The following PCM1 variants were observed in gnomAD, a reference collection of about 807,000 sequenced individuals.
PCM1 encodes the protein pericentriolar material 1.
Under a neutral mutation model 241.9 loss-of-function variants are expected in PCM1, and 157 were observed. The ratio of observed to expected loss-of-function variants is 0.65; its 90% confidence interval spans 0.57 to 0.74. PCM1 has a LOEUF of 0.74. Among genes scored for constraint, PCM1 ranks in the 30% least tolerant of loss-of-function variants. The pLI is 0.00. For synonymous variants in PCM1, 1,085 were observed against 784.9 expected (o/e 1.38, Z -6.39); for missense variants, 3,478 against 2,360.1 (o/e 1.47, Z -9.81).
chr8:17,976,541 T>C (rs1027490274), intron 23 of PCM1, among the ~76,000 whole-genome samples: 3 of 152,214 alleles, frequency 2.0e-5, no homozygotes, highest in African/African-American at 7.2e-5. Flanking sequence ...GCCTCTCTTG[T>C]CCATGTTCCA....
chr8:17,966,960 A>G lies in PCM1; in HGVS notation c.3222-20A>G. The G allele has an allele frequency of 6.3e-7, 1 of 1,575,714 alleles. No individual in the cohort carries two copies. Among genetic ancestry groups the G allele is most frequent in the Non-Finnish European group, 8.6e-7 (1 of 1,161,128 alleles). Reference sequence around the variant, plus strand: ...TGGCAATATAACTGATTCTTAGATTACTGACTTAAATCTTTGTAGGTTGAA... The same window carrying G: ...TGGCAATATAACTGATTCTTAGATTGCTGACTTAAATCTTTGTAGGTTGAA... On this transcript the variant is annotated intron_variant, in intron 20 of 38. Coordinates refer to ENST00000325083, the MANE Select transcript of PCM1 (RefSeq NM_006197.4).
At position 17,966,058 on chromosome 8, in the gene PCM1, G is replaced by C; in HGVS notation, c.2915G>C (p.Arg972Thr). Reference sequence around the variant, plus strand: ...AATTATCGTCCTTTAGCCAAGACAAGGCAACAGAATATCAGCATGCAACGG... The same window carrying C: ...AATTATCGTCCTTTAGCCAAGACAACGCAACAGAATATCAGCATGCAACGG... ...DENYRPLAKT[R>T]QQNISMQRQE... Residue 972 changes from arginine to threonine, a missense_variant, in exon 19 of 39, where the codon AGG becomes ACG. Arg to Thr is a moderately conservative substitution (Grantham distance 71). Coordinates refer to ENST00000325083, the MANE Select transcript of PCM1 (RefSeq NM_006197.4). 1 of 1,613,848 alleles carries C rather than the reference G, an allele frequency of 6.2e-7. No homozygotes were observed. Among genetic ancestry groups the C allele is most frequent in the Non-Finnish European group, 8.5e-7 (1 of 1,179,842 alleles).
At chr8:18,017,476 A>G (rs1444663854) in intron 36 of PCM1, among the ~76,000 whole-genome samples, 1 of 152,220 alleles carries the variant, frequency 6.6e-6, no homozygotes, top group Non-Finnish European at 1.5e-5. Context: ...TAAAGAGGCC[A>G]TTGAAGAAAA....
In PCM1 at chr8:17,939,789, G is replaced by A. The variant is rs1187302372; in HGVS notation, c.711G>A (p.Glu237=). 1 of 1,546,686 alleles carries A rather than the reference G, an allele frequency of 6.5e-7. No individual in the cohort carries two copies. Among genetic ancestry groups the A allele is most frequent in the Non-Finnish European group, 8.8e-7 (1 of 1,138,296 alleles). ...AAAATGAGAGATCTGCTAATGTTGAGCGCCTTACTCATCTAATAGATCACC... is the reference window on the plus strand; with the variant it reads ...AAAATGAGAGATCTGCTAATGTTGAACGCCTTACTCATCTAATAGATCACC... ...VEKNERSANV[E]RLTHLIDHLK... Residue 237 remains glutamate, a synonymous_variant, in exon 6 of 39, where the codon GAG becomes GAA. Transcript: ENST00000325083.
Position 18,006,289 on chromosome 8 carries a change from G to T in PCM1, c.4854G>T (p.Ser1618=), listed in dbSNP as rs780234758. 5 of 1,610,478 alleles carry T rather than the reference G, an allele frequency of 3.1e-6. No homozygotes were observed. The highest frequency in any genetic ancestry group is 4.2e-6 in the Non-Finnish European group (5 of 1,177,514). The change falls in exon 30 of 39, where the codon TCG becomes TCT. Residue 1618 remains serine (S), a synonymous_variant. Coordinates refer to ENST00000325083, the MANE Select transcript of PCM1 (RefSeq NM_006197.4). Reference sequence around the variant, plus strand: ...AGCACATGGATGAAGTATGCTCCTCGCAGCTTCTAACTTCAGTAAGGCGCA... The same window carrying T: ...AGCACATGGATGAAGTATGCTCCTCTCAGCTTCTAACTTCAGTAAGGCGCA... ...LKEHMDEVCS[S]QLLTSVRRMV...
intron 26 of PCM1, among the ~76,000 whole-genome samples, chr8:17,988,698 G>T (rs1007659079): frequency 6.6e-6 from 1 of 151,878 alleles, no homozygotes; most frequent in Admixed American, 6.6e-5. Flanking sequence ...CTGGGCAAGA[G>T]ATTTGAACAG....
At chr8:17,934,800 C>G (rs779132244) in intron 2 of PCM1, 2 of 152,204 alleles carry the variant, frequency 1.3e-5, no homozygotes, top group Non-Finnish European at 2.9e-5. Flanking sequence ...ATGATCATCT[C>G]TGCCTTTGAA....
intron 20 of PCM1, 109 bp downstream of exon 20, chr8:17,966,582 A>C: frequency 4.6e-6 from 4 of 877,038 alleles, no homozygotes; most frequent in Non-Finnish European, 1.7e-6. Context: ...ATATTTGGAC[A>C]TTCTCTTTCC....
At chr8:17,938,454 T>C (rs1300338867) in intron 4 of PCM1, among the ~76,000 whole-genome samples, 3 of 152,184 alleles carry the variant, frequency 2.0e-5, no homozygotes, top group African/African-American at 7.2e-5. Flanking sequence ...TTGTCTGAAA[T>C]ATTTTGGATA....
chr8:17,991,953 G>A (rs73573615), intron 28 of PCM1, among the ~76,000 whole-genome samples: 2,357 of 152,188 alleles, frequency 0.015, 62 homozygotes, highest in African/African-American at 0.054. Context: ...AACATGCAAC[G>A]TTTGGTTTTC....
rs536429129 is a variant in PCM1 at position 18,013,771 on chromosome 8, A to G, written c.5512-193A>G. ...TACTGTGTGTGTGTGTTTTTAAGGC[A>G]ACAAGGAAACCCTTTAACTTAGCCA... On this transcript the variant is annotated intron_variant, in intron 34 of 38. Transcript: ENST00000325083. 5.7e-6 allele frequency: 3 copies of G among 526,470 alleles called. No individual in the cohort carries two copies. In the East Asian group the frequency reaches 1.0e-4, roughly 18 times the overall value. 32.6% of individuals were successfully genotyped at this position (526,470 alleles called of 1,614,324 possible).
intron 13 of PCM1, 60 bp from the exon 14 acceptor site, chr8:17,959,954 T>A (rs2070882548): frequency 6.7e-7 from 1 of 1,491,150 alleles, no homozygotes; most frequent in Non-Finnish European, 9.2e-7. Flanking sequence ...TTTACTAAGG[T>A]ATGAATTGGA....
At chr8:17,945,129 T>G (rs564447712) in intron 6 of PCM1, among the ~76,000 whole-genome samples, 6 of 152,176 alleles carry the variant, frequency 3.9e-5, no homozygotes, top group Non-Finnish European at 7.4e-5. Context: ...GAAATCATTA[T>G]AAAATTATTT....
intron 2 of PCM1, among the ~76,000 whole-genome samples, chr8:17,929,769 A>G (rs1013478952): frequency 6.6e-6 from 1 of 152,154 alleles, no homozygotes; most frequent in Non-Finnish European, 1.5e-5. Context: ...ACCAAACTCT[A>G]TGTGTATGTT....
At chr8:17,957,206 A>G in intron 11 of PCM1, 58 bp from the exon 12 acceptor site, 2 of 1,412,928 alleles carry the variant, frequency 1.4e-6, no homozygotes, top group Non-Finnish European at 9.5e-7. Flanking sequence ...CTAAACTTGG[A>G]TTTCTTTCTC....
intron 28 of PCM1, 72 bp downstream of exon 28, chr8:17,991,772 G>A: frequency 8.8e-7 from 1 of 1,135,804 alleles, no homozygotes; most frequent in Non-Finnish European, 1.3e-6. Flanking sequence ...GTTCTTTAGT[G>A]GTGATTTCTG....
intron 36 of PCM1, 75 bp downstream of exon 36, chr8:18,014,915 TCTC>T (rs1231716683): frequency 1.6e-6 from 2 of 1,287,730 alleles, no homozygotes; most frequent in Non-Finnish European, 2.1e-6. Context: ...AGATTAGCAT[TCTC>T]CACATGTAAA....
chr8:18,001,995 CTTTTTTTT>C (rs1166401113), intron 29 of PCM1, among the ~76,000 whole-genome samples: 1 of 23,398 alleles, frequency 4.3e-5, no homozygotes, highest in African/African-American at 2.9e-4. Context: ...TCTAACCTTT[CTTTTTTTT>C]TTTTTTTTTT....
intron 18 of PCM1, 63 bp downstream of exon 18, chr8:17,964,831 C>G (rs2074178733): frequency 8.1e-7 from 1 of 1,231,790 alleles, no homozygotes; most frequent in Non-Finnish European, 1.2e-6. Flanking sequence ...TGACTGACAG[C>G]AAGCACTTCT....
Sources: allele counts gnomAD v4.1 joint callset (sites outside exome capture counted in the v4.1 genomes callset), GRCh38; gene constraint gnomAD v4.1.1; transcripts MANE v1.5; gene names NCBI Gene and HGNC (gene_info 2026-07-23, HGNC 2026-07-21).